The following HDAC9 variants were observed in gnomAD, a reference collection of about 807,000 sequenced individuals.
HDAC9 encodes MEF-2 interacting transcription repressor (MITR) protein.
Under a neutral mutation model 139.4 loss-of-function variants are expected in HDAC9, and 41 were observed. The ratio of observed to expected loss-of-function variants is 0.29; its 90% CI spans 0.23 to 0.38. HDAC9 has a LOEUF of 0.38. Ranked by LOEUF, HDAC9 falls within the 10% of genes least tolerant of loss-of-function variation. HDAC9 has a pLI of 1.00. For missense variants in HDAC9, 1,147 were observed against 1,297.0 expected (o/e 0.88, Z 1.78); for synonymous variants, 517 against 476.2 (o/e 1.09, Z -1.12).
intron 6 of HDAC9, among the ~76,000 whole-genome samples, chr7:18,602,439 G>A (rs1381659614): frequency 6.7e-6 from 1 of 149,694 alleles, no homozygotes; most frequent in Non-Finnish European, 1.5e-5. Flanking sequence ...TGATTTCCTG[G>A]TTATAATTGT....
intron 21 of HDAC9, among the ~76,000 whole-genome samples, chr7:18,867,578 T>C (rs1378835410): frequency 6.6e-6 from 1 of 152,242 alleles, no homozygotes; most frequent in Non-Finnish European, 1.5e-5. Flanking sequence ...TTGCTGTCAA[T>C]ATCATTTTCT....
intron 12 of HDAC9, among the ~76,000 whole-genome samples, chr7:18,726,274 C>A (rs552237183): frequency 2.0e-5 from 3 of 152,172 alleles, no homozygotes; most frequent in Non-Finnish European, 4.4e-5. Flanking sequence ...AATTTGTACA[C>A]TTAGCATGTA....
At chr7:18,385,291 T>C (rs1453481970) in intron 1 of HDAC9, among the ~76,000 whole-genome samples, 1 of 152,008 alleles carries the variant, frequency 6.6e-6, no homozygotes, top group East Asian at 1.9e-4. Flanking sequence ...TGATACTAGA[T>C]AGGTGTATGT....
chr7:18,826,856 C>G (rs911930124), intron 17 of HDAC9, among the ~76,000 whole-genome samples: 6 of 150,318 alleles, frequency 4.0e-5, no homozygotes, highest in African/African-American at 1.3e-4. Context: ...GTAAACACAA[C>G]TTTTCTGGTA....
intron 2 of HDAC9, among the ~76,000 whole-genome samples, chr7:18,527,495 A>G (rs1412444738): frequency 6.6e-6 from 1 of 152,148 alleles, no homozygotes; most frequent in Non-Finnish European, 1.5e-5. Context: ...TTGTGGCTCA[A>G]TGAGGAAGTT....
In HDAC9 at chr7:18,732,908, C is replaced by T. The variant is rs554901183; in HGVS notation, c.1909+5151C>T. ...GCGTATGTGTACACACACACGTGTG[C>T]GTATGTGTATACACACGTGTGTATG... On this transcript the variant is annotated intron_variant, in intron 13 of 25. Transcript: ENST00000686413. 7.9e-3 allele frequency among the ~76,000 whole-genome samples: 500 copies of T among 63,026 alleles called. 53 individuals are homozygous for T. Among genetic ancestry groups the T allele is most frequent in the African/African-American group, 0.016 (168 of 10,318 alleles). 41.3% of individuals were successfully genotyped at this position (63,026 alleles called of 152,430 possible). A position where few individuals can be genotyped will look rare whatever the true frequency, so the allele number is the denominator to read the frequency against.
At position 18,996,093 on chromosome 7, in the gene HDAC9, G is replaced by T. The variant is rs370950630; in HGVS notation, c.*31G>T. The T allele has an allele frequency of 5.1e-6, 8 of 1,562,230 alleles. No individual in the cohort carries two copies. Among genetic ancestry groups the T allele is most frequent in the African/African-American group, 1.4e-5 (1 of 74,004 alleles). On this transcript the variant is annotated 3_prime_UTR_variant, in exon 26 of 26. Coordinates refer to ENST00000686413, the MANE Select transcript of HDAC9 (RefSeq NM_178425.4). ...CAAGTCCCCCTCTGATATTTCCTGT[G>T]TGTGACATCATTGTGTATCCCCCCA... is the stretch of plus-strand genomic sequence containing the variant.
chr7:18,132,781 G>T (rs903127925), intron 1 of HDAC9, among the ~76,000 whole-genome samples: 10 of 152,096 alleles, frequency 6.6e-5, no homozygotes, highest in Admixed American at 2.6e-4. Flanking sequence ...AAAGAGTTGG[G>T]CCTAGATTGG....
At chr7:18,912,152 C>T (rs1488587298) in intron 22 of HDAC9, among the ~76,000 whole-genome samples, 3 of 151,906 alleles carry the variant, frequency 2.0e-5, no homozygotes, top group Non-Finnish European at 2.9e-5. Flanking sequence ...ATTTGCTTTA[C>T]GTATCTGGGT....
intron 1 of HDAC9, among the ~76,000 whole-genome samples, chr7:18,293,558 C>A (rs62449144): frequency 0.13 from 19,591 of 152,146 alleles, 1,523 homozygotes; most frequent in Non-Finnish European, 0.17. Flanking sequence ...CTGGCCACTG[C>A]AAACCATCTT....
chr7:18,509,338 C>G, intron 2 of HDAC9: 1 of 985,394 alleles, frequency 1.0e-6, no homozygotes, highest in Non-Finnish European at 1.2e-6. Context: ...GTGGGAGAAC[C>G]AGGGGAAGAC....
chr7:18,745,491 A>G (rs1166585810), intron 13 of HDAC9, among the ~76,000 whole-genome samples: 1 of 150,224 alleles, frequency 6.7e-6, no homozygotes, highest in Non-Finnish European at 1.5e-5. Flanking sequence ...GAGATGAAAT[A>G]GTGAAAAAGT....
At chr7:18,581,488 C>G (rs2520457) in intron 2 of HDAC9, among the ~76,000 whole-genome samples, 2,647 of 152,024 alleles carry the variant, frequency 0.017, 28 homozygotes, top group Non-Finnish European at 0.026. Context: ...GACTTTTTTT[C>G]TTATCTTTTT....
intron 1 of HDAC9, among the ~76,000 whole-genome samples, chr7:18,470,182 G>A (rs1794616675): frequency 6.6e-6 from 1 of 152,012 alleles, no homozygotes; most frequent in African/African-American, 2.4e-5. Context: ...GTGTGGTGGT[G>A]CATGCCTGTA....
chr7:18,418,012 C>T (rs1163289837), intron 1 of HDAC9, among the ~76,000 whole-genome samples: 1 of 152,166 alleles, frequency 6.6e-6, no homozygotes, highest in Non-Finnish European at 1.5e-5. Flanking sequence ...CTCTCCCTCC[C>T]TATGCCATCA....
intron 25 of HDAC9, among the ~76,000 whole-genome samples, chr7:18,980,774 CTT>C (rs1404372587): frequency 1.2e-3 from 146 of 120,318 alleles, no homozygotes; most frequent in African/African-American, 3.8e-3. Context: ...TCTTCTTCTT[CTT>C]CCTCTTCTTC....
intron 1 of HDAC9, among the ~76,000 whole-genome samples, chr7:18,314,080 C>T (rs1163461327): frequency 1.3e-5 from 2 of 152,140 alleles, no homozygotes; most frequent in African/African-American, 2.4e-5. Context: ...ATCCTCCTAT[C>T]CTCTTTCCTT....
chr7:18,739,107 C>G (rs1315439383), intron 13 of HDAC9, among the ~76,000 whole-genome samples: 1 of 152,178 alleles, frequency 6.6e-6, no homozygotes, highest in Non-Finnish European at 1.5e-5. Flanking sequence ...GTTTTCAGCT[C>G]CATCAGGCCA....
At chr7:18,721,663 C>A (rs1716595394) in intron 12 of HDAC9, among the ~76,000 whole-genome samples, 1 of 152,088 alleles carries the variant, frequency 6.6e-6, no homozygotes, top group Non-Finnish European at 1.5e-5. Flanking sequence ...CAAATGTGAT[C>A]ATCCAGAGCA....
Sources: allele counts gnomAD v4.1 joint callset (sites outside exome capture counted in the v4.1 genomes callset), GRCh38; gene constraint gnomAD v4.1.1; transcripts MANE v1.5; gene names NCBI Gene and HGNC (gene_info 2026-07-23, HGNC 2026-07-21).